CNTNAP3B: variants seen among roughly 807,000 people sequenced by gnomAD.
CNTNAP3B encodes contactin-associated protein-like 3B.
A neutral mutation model predicts 108.9 loss-of-function variants in CNTNAP3B; 25 were observed. That is an observed-to-expected ratio of 0.23 (90% confidence interval 0.17 to 0.32). The LOEUF (loss-of-function observed/expected upper bound fraction) is 0.32, where lower values mean the gene tolerates loss of function less well. CNTNAP3B is among the 10% of genes least tolerant of loss of function. The pLI is 1.00. For synonymous variants in CNTNAP3B, 103 were observed against 473.4 expected, an observed-to-expected ratio of 0.22 and a Z score of 10.16; for missense variants, 252 against 1,210.4, an observed-to-expected ratio of 0.21 and a Z score of 11.75.
intron 1 of CNTNAP3B, among the ~76,000 whole-genome samples, chr9:42,115,830 C>A (rs1828302645): frequency 8.2e-6 from 1 of 121,240 alleles, no homozygotes; most frequent in African/African-American, 3.5e-5. Flanking sequence ...GAACACAACG[C>A]CTCGCCAGCA....
chr9:41,921,202 T>C (rs1823658673), intron 17 of CNTNAP3B, among the ~76,000 whole-genome samples: 1 of 152,300 alleles, frequency 6.6e-6, no homozygotes, highest in South Asian at 2.1e-4. Flanking sequence ...TCTAGGTGAA[T>C]TTTATGCTAA....
At chr9:41,973,798 CAG>C (rs1343826939) in intron 9 of CNTNAP3B, among the ~76,000 whole-genome samples, 1 of 135,268 alleles carries the variant, frequency 7.4e-6, no homozygotes, top group Non-Finnish European at 1.6e-5. Context: ...GGACAAATGA[CAG>C]TATAGAAGAT....
intron 3 of CNTNAP3B, among the ~76,000 whole-genome samples, chr9:42,066,423 CTTT>C (rs1158361481): frequency 0.036 from 1,909 of 52,342 alleles, 45 homozygotes; most frequent in Middle Eastern, 0.057. Context: ...GCTGTTGAAT[CTTT>C]TTTTTTTTTT....
At chr9:42,075,437 G>T (rs1432809689) in intron 3 of CNTNAP3B, among the ~76,000 whole-genome samples, 1 of 138,064 alleles carries the variant, frequency 7.2e-6, no homozygotes, top group African/African-American at 2.9e-5. Context: ...TTCCAGTGAA[G>T]CTCAACACGC....
intron 13 of CNTNAP3B, among the ~76,000 whole-genome samples, chr9:41,940,463 A>G (rs1824303288): frequency 1.3e-5 from 2 of 152,310 alleles, no homozygotes; most frequent in Non-Finnish European, 2.9e-5. Context: ...GCTGATAGAA[A>G]AGAATTGTCA....
chr9:42,024,808 T>C (rs556915380), intron 3 of CNTNAP3B, among the ~76,000 whole-genome samples: 108 of 145,498 alleles, frequency 7.4e-4, no homozygotes, highest in African/African-American at 2.0e-3. Flanking sequence ...GTTTGCCAAT[T>C]ATTTCTCATC....
intron 12 of CNTNAP3B, among the ~76,000 whole-genome samples, chr9:41,957,905 C>A (rs1409928063): frequency 1.1e-4 from 16 of 151,344 alleles, no homozygotes; most frequent in African/African-American, 3.2e-4. Flanking sequence ...GGACTACAGG[C>A]ACCCGCCACT....
chr9:42,032,486 G>A (rs1826538809), intron 3 of CNTNAP3B, among the ~76,000 whole-genome samples: 1 of 129,690 alleles, frequency 7.7e-6, no homozygotes, highest in Non-Finnish European at 1.6e-5. Context: ...TAGACAAAGA[G>A]AAGCATTTGG....
intron 15 of CNTNAP3B, among the ~76,000 whole-genome samples, chr9:41,924,644 T>TGC (rs1482014228): frequency 2.4e-4 from 23 of 95,594 alleles, no homozygotes; most frequent in South Asian, 1.1e-3. Context: ...CTTTCCTTCC[T>TGC]GCACACACAC....
chr9:42,067,582 T>C (rs2118587232), intron 3 of CNTNAP3B, among the ~76,000 whole-genome samples: 1 of 152,074 alleles, frequency 6.6e-6, no homozygotes, highest in African/African-American at 2.4e-5. Context: ...CTTTGAGGAG[T>C]TAAATCACCC....
chr9:41,961,402 C>T (rs566032967), intron 11 of CNTNAP3B, among the ~76,000 whole-genome samples: 15 of 152,394 alleles, frequency 9.8e-5, no homozygotes, highest in Admixed American at 6.5e-4. Context: ...CTGAATTCTG[C>T]GTGCTATTGA....
chr9:42,098,869 G>C (rs1256516322), intron 2 of CNTNAP3B, among the ~76,000 whole-genome samples: 1 of 130,894 alleles, frequency 7.6e-6, no homozygotes, highest in African/African-American at 3.1e-5. Flanking sequence ...TGTGCTATAA[G>C]AGAAGCTGAT....
At chr9:41,968,008 G>A (rs1481455120) in intron 10 of CNTNAP3B, among the ~76,000 whole-genome samples, 1 of 152,242 alleles carries the variant, frequency 6.6e-6, no homozygotes, top group Non-Finnish European at 1.5e-5. Flanking sequence ...ACCAAGTTAG[G>A]CACCAATGTA....
chr9:42,078,508 C>T (rs536973230), intron 2 of CNTNAP3B, among the ~76,000 whole-genome samples: 5 of 138,258 alleles, frequency 3.6e-5, no homozygotes, highest in Non-Finnish European at 1.5e-5. Flanking sequence ...GTTTGTTTTG[C>T]TTTTTATTGT....
intron 13 of CNTNAP3B, among the ~76,000 whole-genome samples, chr9:41,942,376 T>C (rs1389283389): frequency 6.6e-6 from 1 of 152,026 alleles, no homozygotes; most frequent in African/African-American, 2.4e-5. Flanking sequence ...TTTGGGAGGC[T>C]GAGGCGGGCG....
chr9:41,928,446 G>T (rs1340953816), intron 15 of CNTNAP3B, among the ~76,000 whole-genome samples: 1 of 151,826 alleles, frequency 6.6e-6, no homozygotes, highest in Non-Finnish European at 1.5e-5. Flanking sequence ...CCTCTCTGGG[G>T]AGTGAGTACA....
intron 11 of CNTNAP3B, among the ~76,000 whole-genome samples, chr9:41,964,313 G>A (rs1345428462): frequency 1.3e-5 from 2 of 152,146 alleles, no homozygotes; most frequent in Non-Finnish European, 2.9e-5. Context: ...CCCATTGCTT[G>A]CCAGTTTCTT....
At chr9:42,125,665 G>GTTTTTTTTTTTTTTTTTTTTTTTT (rs200934708) in intron 1 of CNTNAP3B, among the ~76,000 whole-genome samples, 2 of 118,972 alleles carry the variant, frequency 1.7e-5, no homozygotes. Context: ...TACATTTTTT[G>GTTTTTTTTTTTTTTTTTTTTTTTT]TTTTTTTTTT....
rs542711761 is a variant in CNTNAP3B at position 41,995,526 on chromosome 9, G to A, written c.1071+679C>T. Among the ~76,000 whole-genome samples, 3 of 135,590 alleles carry A rather than the reference G, an allele frequency of 2.2e-5. 1 individual carries two copies. Among genetic ancestry groups the A allele is most frequent in the South Asian group, 2.4e-4 (1 of 4,146 alleles). 89.0% of individuals were successfully genotyped at this position (135,590 alleles called of 152,430 possible). A position where few individuals can be genotyped will look rare whatever the true frequency, so the allele number is the denominator to read the frequency against. The stretch of plus-strand genomic sequence containing the variant: ...CAAGGTGGGCAGATCACGAGGTTGG[G>A]AAATCGAGACCATCCTGGCTAACAT... On this transcript the variant is annotated intron_variant, in intron 7 of 23. Transcript: ENST00000377561.
Sources: allele counts gnomAD v4.1 joint callset (sites outside exome capture counted in the v4.1 genomes callset), GRCh38; gene constraint gnomAD v4.1.1; transcripts MANE v1.5; gene names NCBI Gene and HGNC (gene_info 2026-07-23, HGNC 2026-07-21).